The following SCMH1 variants were observed in gnomAD, a reference collection of about 807,000 sequenced individuals.
SCMH1 encodes the protein polycomb protein SCMH1.
In SCMH1, 37 loss-of-function variants were observed where a neutral mutation model predicts 70.8. The ratio of observed to expected loss-of-function variants is 0.52; its 90% CI spans 0.40 to 0.69. The LOEUF (loss-of-function observed/expected upper bound fraction) is 0.69, where lower values mean the gene tolerates loss of function less well. Among genes scored for constraint, SCMH1 ranks in the 30% least tolerant of loss-of-function variants. The pLI, the probability that SCMH1 is intolerant of heterozygous loss-of-function variation, is 0.00. For missense variants in SCMH1, 607 were observed against 827.3 expected (o/e 0.73, Z 3.27); for synonymous variants, 292 against 307.4 (o/e 0.95, Z 0.52).
chr1:41,126,399 T>C (rs1303296852), intron 6 of SCMH1, among the ~76,000 whole-genome samples: 1 of 152,188 alleles, frequency 6.6e-6, no homozygotes, highest in African/African-American at 2.4e-5. Flanking sequence ...TAATTTTATT[T>C]ATTAAGTAAA....
intron 2 of SCMH1, among the ~76,000 whole-genome samples, chr1:41,162,011 G>A (rs1218985517): frequency 6.6e-6 from 1 of 151,974 alleles, no homozygotes; most frequent in African/African-American, 2.4e-5. Flanking sequence ...GAGCCGGTGG[G>A]AGCCTGGGAG....
At chr1:41,102,572 C>T (rs182821387) in intron 8 of SCMH1, among the ~76,000 whole-genome samples, 24 of 152,314 alleles carry the variant, frequency 1.6e-4, no homozygotes, top group Admixed American at 1.1e-3. Flanking sequence ...AAAGACATGT[C>T]ACATTTTCCT....
At chr1:41,147,650 A>C (rs1644708976) in intron 5 of SCMH1, among the ~76,000 whole-genome samples, 1 of 152,114 alleles carries the variant, frequency 6.6e-6, no homozygotes. Context: ...TAAAAGTCTG[A>C]CTATAGATAA....
At chr1:41,144,863 A>G (rs1270529504) in intron 5 of SCMH1, among the ~76,000 whole-genome samples, 1 of 152,180 alleles carries the variant, frequency 6.6e-6, no homozygotes, top group Non-Finnish European at 1.5e-5. Context: ...GAGTATCTTT[A>G]ATGTGCCTAA....
At chr1:41,083,126 G>T (rs1660545724) in intron 8 of SCMH1, among the ~76,000 whole-genome samples, 1 of 152,162 alleles carries the variant, frequency 6.6e-6, no homozygotes, top group South Asian at 2.1e-4. Context: ...TCTGGCCAGG[G>T]CAATTAGGCA....
intron 1 of SCMH1, among the ~76,000 whole-genome samples, chr1:41,188,617 T>C (rs752896933): frequency 6.1e-4 from 93 of 152,332 alleles, no homozygotes; most frequent in South Asian, 1.9e-3. Flanking sequence ...CTGGAAGTCG[T>C]TGAAAGAAGT....
chr1:41,135,590 A>T (rs745454177), intron 6 of SCMH1, among the ~76,000 whole-genome samples: 8 of 152,182 alleles, frequency 5.3e-5, no homozygotes, highest in Non-Finnish European at 1.2e-4. Context: ...TGAGTCAATT[A>T]AACCTCTTCC....
intron 1 of SCMH1, among the ~76,000 whole-genome samples, chr1:41,239,922 C>T (rs1663170793): frequency 6.6e-6 from 1 of 152,126 alleles, no homozygotes; most frequent in Non-Finnish European, 1.5e-5. Context: ...GGCATGAGCC[C>T]CTGCATCCAG....
chr1:41,046,370 C>T (rs1248270547), intron 12 of SCMH1, 37 bp downstream of exon 12: 2 of 1,588,918 alleles, frequency 1.3e-6, no homozygotes, highest in Non-Finnish European at 1.7e-6. Context: ...CTAGCCCTGT[C>T]CCCCACTCTC....
chr1:41,060,200 G>GA (rs1159931844), intron 10 of SCMH1, among the ~76,000 whole-genome samples: 2 of 92,936 alleles, frequency 2.2e-5, no homozygotes, highest in African/African-American at 9.3e-5. Flanking sequence ...TACCAGGAAG[G>GA]AAAAATGCCA....
At chr1:41,181,652 C>A (rs1648806812) in intron 2 of SCMH1, among the ~76,000 whole-genome samples, 1 of 152,146 alleles carries the variant, frequency 6.6e-6, no homozygotes, top group African/African-American at 2.4e-5. Flanking sequence ...CAATGAGATA[C>A]CATCTCACAC....
chr1:41,072,096 A>C (rs1656739509), intron 9 of SCMH1, among the ~76,000 whole-genome samples: 1 of 152,216 alleles, frequency 6.6e-6, no homozygotes, highest in African/African-American at 2.4e-5. Flanking sequence ...TATGTTCTCT[A>C]AAGAGATAGC....
chr1:41,121,906 C>T (rs1383931011), intron 6 of SCMH1, among the ~76,000 whole-genome samples: 1 of 152,108 alleles, frequency 6.6e-6, no homozygotes, highest in Non-Finnish European at 1.5e-5. Context: ...CCCTTTCTAT[C>T]ACCCACCAAA....
At chr1:41,092,895 AG>A (rs1191242238) in intron 8 of SCMH1, among the ~76,000 whole-genome samples, 1 of 152,192 alleles carries the variant, frequency 6.6e-6, no homozygotes, top group Non-Finnish European at 1.5e-5. Flanking sequence ...GAGGATGTGG[AG>A]AAATAGGAAT....
At chr1:41,072,106 C>T (rs1198235726) in intron 9 of SCMH1, among the ~76,000 whole-genome samples, 2 of 152,202 alleles carry the variant, frequency 1.3e-5, no homozygotes, top group East Asian at 3.9e-4. Context: ...AAAGAGATAG[C>T]CCTGATGACA....
At position 41,046,581 on chromosome 1, in the gene SCMH1, G is replaced by A. The variant is rs1458136390; in HGVS notation, c.1324C>T (p.Gln442Ter). Residue 442 changes from glutamine (Q) to a stop codon, truncating the protein, a stop_gained, in exon 12 of 15, where the codon CAG becomes TAG. Transcript: ENST00000337495. LOFTEE classifies it high-confidence loss of function. The stretch of plus-strand genomic sequence containing the variant: ...ACTGCTGGGAGGTTGAGGGTATGCT[G>A]TTCCCGGTCAAACACGGCTGTGGAG... 1 of 1,614,134 alleles carries A rather than the reference G, an allele frequency of 6.2e-7. No individual in the cohort carries two copies. The highest frequency in any genetic ancestry group is 8.5e-7 in the Non-Finnish European group (1 of 1,179,968).
chr1:41,119,923 A>T (rs899301342), intron 6 of SCMH1, among the ~76,000 whole-genome samples: 1 of 152,178 alleles, frequency 6.6e-6, no homozygotes, highest in Non-Finnish European at 1.5e-5. Context: ...TGGTTTAAAA[A>T]AATTAAATCC....
chr1:41,226,675 T>C (rs1660327801), intron 1 of SCMH1, among the ~76,000 whole-genome samples: 1 of 152,182 alleles, frequency 6.6e-6, no homozygotes, highest in Non-Finnish European at 1.5e-5. Flanking sequence ...GTGCTCAGGA[T>C]ACAATATTGA....
chr1:41,107,797 C>T (rs1002607537), intron 8 of SCMH1, among the ~76,000 whole-genome samples: 7 of 152,278 alleles, frequency 4.6e-5, no homozygotes, highest in Non-Finnish European at 7.4e-5. Context: ...GGATTACAGG[C>T]GTGAGCCACT....
Sources: gnomAD v4.1 joint callset for allele counts (sites outside exome capture counted in the v4.1 genomes callset) on GRCh38, gnomAD v4.1.1 for gene constraint, MANE v1.5 for transcripts, NCBI Gene and HGNC (gene_info 2026-07-23, HGNC 2026-07-21) for gene names.